RAPGEF6: variants seen among roughly 807,000 people sequenced by gnomAD.
The protein encoded by RAPGEF6 is Rap guanine nucleotide exchange factor 6.
Under a neutral mutation model 171.4 loss-of-function variants are expected in RAPGEF6, and 56 were observed. The observed-to-expected ratio is 0.33, with a 90% CI of 0.26 to 0.41. RAPGEF6 has a LOEUF of 0.41. Among genes scored for constraint, RAPGEF6 ranks in the 10% least tolerant of loss-of-function variants. RAPGEF6 has a pLI of 1.00. For missense variants in RAPGEF6, 1,674 were observed against 1,921.4 expected, an observed-to-expected ratio of 0.87 and a Z score of 2.41; for synonymous variants, 692 against 650.1, an observed-to-expected ratio of 1.06 and a Z score of -0.98.
At chr5:131,612,166 C>T (rs1047055333) in intron 1 of RAPGEF6, among the ~76,000 whole-genome samples, 1 of 148,890 alleles carries the variant, frequency 6.7e-6, no homozygotes, top group Non-Finnish European at 1.5e-5. Flanking sequence ...TTCCAAGTGG[C>T]TGGGACTACA....
chr5:131,464,316 T>TA (rs773690826), intron 17 of RAPGEF6, 35 bp from the exon 18 acceptor site: 226 of 1,575,826 alleles, frequency 1.4e-4, no homozygotes, highest in Non-Finnish European at 1.8e-4. Flanking sequence ...TGTTATTTTT[T>TA]AAAAAAATCA....
intron 13 of RAPGEF6, among the ~76,000 whole-genome samples, chr5:131,494,034 C>G (rs1352007453): frequency 6.6e-6 from 1 of 152,206 alleles, no homozygotes; most frequent in Non-Finnish European, 1.5e-5. Context: ...TCCACTTATG[C>G]TCTGTAAGTA....
intron 19 of RAPGEF6, among the ~76,000 whole-genome samples, chr5:131,460,472 A>C (rs1753840649): frequency 6.6e-6 from 1 of 152,160 alleles, no homozygotes; most frequent in African/African-American, 2.4e-5. Context: ...TCTAAAACTG[A>C]GCCCGTAATT....
Position 131,566,863 on chromosome 5 carries a change from C to T in RAPGEF6, c.282-4816G>A, listed in dbSNP as rs111847083. Among the ~76,000 whole-genome samples the T allele has an allele frequency of 6.4e-3, 974 of 151,848 alleles. 7 individuals carry two copies. Among genetic ancestry groups the T allele is most frequent in the African/African-American group, 0.022 (928 of 41,428 alleles). On this transcript the variant is annotated intron_variant, in intron 4 of 27. Transcript: ENST00000509018. ...GTGGCTGACACCTATAATCCCAGCA[C>T]TTTGGGAAGCCGAGGCAGGTGGATC...
At position 131,604,879 on chromosome 5, in the gene RAPGEF6, G is replaced by C. The variant is rs140105908; in HGVS notation, c.70-186C>G. Among the ~76,000 whole-genome samples the C allele has an allele frequency of 6.0e-3, 915 of 152,238 alleles. 9 individuals are homozygous for C. The highest frequency in any genetic ancestry group is 0.021 in the African/African-American group (880 of 41,540). On this transcript the variant is annotated intron_variant, in intron 1 of 27. Coordinates refer to ENST00000509018, the MANE Select transcript of RAPGEF6 (RefSeq NM_016340.6). ...GAGAAGAGATCCCTCAGCTCTCAAA[G>C]GAACTCCTCTTCAACGTGACCAATG...
chr5:131,443,548 TG>T (rs1476673056), intron 22 of RAPGEF6, among the ~76,000 whole-genome samples: 1 of 152,236 alleles, frequency 6.6e-6, no homozygotes, highest in Non-Finnish European at 1.5e-5. Context: ...AATGAGTATT[TG>T]ATCATATCAT....
chr5:131,461,778 T>G lies in RAPGEF6; in HGVS notation c.2791A>C (p.Ile931Leu). The G allele has an allele frequency of 6.2e-7, 1 of 1,612,962 alleles. No individual in the cohort carries two copies. Among genetic ancestry groups the G allele is most frequent in the Non-Finnish European group, 8.5e-7 (1 of 1,179,026 alleles). Residue 931 changes from isoleucine to leucine, a missense_variant, in exon 19 of 28, where the codon ATT becomes CTT. Coordinates refer to ENST00000509018, the MANE Select transcript of RAPGEF6 (RefSeq NM_016340.6). ...AGTGCAATTTTAATAAAATGCTTAA[T>G]AATCTTCATTCGTTTGAGCTGATTT... is the stretch of plus-strand genomic sequence containing the variant. The part of the protein sequence containing the change: ...EANQLKRMKI[I>L]KHFIKIALHC...
chr5:131,468,189 G>A (rs1173297361), intron 17 of RAPGEF6, among the ~76,000 whole-genome samples: 2 of 151,598 alleles, frequency 1.3e-5, no homozygotes, highest in African/African-American at 4.9e-5. Context: ...AAAATTAGCT[G>A]GGCGTGGTGG....
At chr5:131,521,960 C>G (rs956196157) in intron 6 of RAPGEF6, among the ~76,000 whole-genome samples, 4 of 150,896 alleles carry the variant, frequency 2.7e-5, no homozygotes, top group African/African-American at 9.7e-5. Context: ...GTGACTGATA[C>G]AAGAATAAAA....
At position 131,446,623 on chromosome 5, in the gene RAPGEF6, G is replaced by C. The variant is rs561580554; in HGVS notation, c.3281C>G (p.Ser1094Cys). Residue 1094 changes from serine to cysteine, a missense_variant, in exon 22 of 28, where the codon TCT becomes TGT. Transcript: ENST00000509018. ...ATATAGCTTCTTGGCATTAAGCAGA[G>C]AGCTGCGGCGTGCCCTTTTTTTGTG... The part of the protein sequence containing the change: ...GAHKKRARRS[S>C]LLNAKKLYED... 6.2e-7 allele frequency: 1 copy of C among 1,614,244 alleles called. No homozygotes were observed. Among genetic ancestry groups the C allele is most frequent in the African/African-American group, 1.3e-5 (1 of 75,084 alleles).
intron 23 of RAPGEF6, 25 bp downstream of exon 23, chr5:131,442,324 T>G: frequency 6.4e-7 from 1 of 1,562,290 alleles, no homozygotes; most frequent in Non-Finnish European, 8.7e-7. Context: ...GGTAAACGGA[T>G]GTAATATTAA....
At chr5:131,510,286 T>A in intron 8 of RAPGEF6, 28 bp downstream of exon 8, 1 of 1,577,484 alleles carries the variant, frequency 6.3e-7, no homozygotes, top group Non-Finnish European at 8.6e-7. Context: ...AGTTACAAAT[T>A]CTTATTGTGA....
At chr5:131,499,409 C>T (rs778060123) in intron 11 of RAPGEF6, among the ~76,000 whole-genome samples, 9 of 151,762 alleles carry the variant, frequency 5.9e-5, no homozygotes, top group South Asian at 2.1e-4. Flanking sequence ...GGTGAAACCC[C>T]GTCTCTACTA....
intron 17 of RAPGEF6, among the ~76,000 whole-genome samples, chr5:131,467,629 A>C (rs1280137921): frequency 6.6e-6 from 1 of 152,268 alleles, no homozygotes; most frequent in Non-Finnish European, 1.5e-5. Context: ...TGTTCGAATA[A>C]AGTTGAATCA....
chr5:131,634,760 G>A (rs1370065302), intron 1 of RAPGEF6, among the ~76,000 whole-genome samples: 4 of 152,188 alleles, frequency 2.6e-5, no homozygotes, highest in Admixed American at 2.6e-4. Context: ...GGGTACGCGG[G>A]TTAAGACCGC....
chr5:131,457,522 C>T (rs1477609978), intron 19 of RAPGEF6, among the ~76,000 whole-genome samples: 1 of 152,232 alleles, frequency 6.6e-6, no homozygotes, highest in Non-Finnish European at 1.5e-5. Context: ...AAACAATTCA[C>T]ATACAAGGCT....
intron 15 of RAPGEF6, among the ~76,000 whole-genome samples, chr5:131,489,330 C>T (rs1354125748): frequency 2.6e-5 from 4 of 152,252 alleles, no homozygotes; most frequent in South Asian, 2.1e-4. Context: ...GGTAGCTGTA[C>T]ACCTATTTTA....
chr5:131,498,745 G>A (rs144344166), intron 11 of RAPGEF6, 138 bp from the exon 12 acceptor site: 42 of 770,758 alleles, frequency 5.4e-5, no homozygotes, highest in East Asian at 8.1e-5. Context: ...AATCCTTAGC[G>A]CTGGGAGAAT....
At chr5:131,609,738 A>G (rs1253563136) in intron 1 of RAPGEF6, among the ~76,000 whole-genome samples, 1 of 152,248 alleles carries the variant, frequency 6.6e-6, no homozygotes, top group Non-Finnish European at 1.5e-5. Context: ...AGTAGACTAT[A>G]TATGGTGTCT....
Sources: gnomAD v4.1 joint callset for allele counts (sites outside exome capture counted in the v4.1 genomes callset) on GRCh38, gnomAD v4.1.1 for gene constraint, MANE v1.5 for transcripts, NCBI Gene and HGNC (gene_info 2026-07-23, HGNC 2026-07-21) for gene names.